Variants in GPHN observed in about 807,000 individuals in gnomAD.
GPHN encodes the protein gephyrin.
GPHN carries 17 observed loss-of-function variants against 95.5 expected under a neutral mutation model. That is an observed-to-expected ratio of 0.18 (90% CI 0.12 to 0.27). The LOEUF (loss-of-function observed/expected upper bound fraction) is 0.27, where lower values mean the gene tolerates loss of function less well. Among genes scored for constraint, GPHN ranks in the 10% least tolerant of loss-of-function variants. The pLI, the probability that GPHN is intolerant of heterozygous loss-of-function variation, is 1.00. For missense variants in GPHN, 660 were observed against 978.1 expected (o/e 0.67, Z 4.34); for synonymous variants, 320 against 322.5 (o/e 0.99, Z 0.08).
intron 9 of GPHN, among the ~76,000 whole-genome samples, chr14:66,976,642 T>G (rs530871241): frequency 2.0e-5 from 3 of 152,314 alleles, no homozygotes; most frequent in African/African-American, 7.2e-5. Flanking sequence ...CAGAAATTCA[T>G]TGAATATTTC....
intron 2 of GPHN, among the ~76,000 whole-genome samples, chr14:66,725,047 G>A (rs1480960052): frequency 6.6e-6 from 1 of 152,082 alleles, no homozygotes; most frequent in Non-Finnish European, 1.5e-5. Flanking sequence ...TCTTCTTATA[G>A]GGCCACAGTC....
At chr14:66,816,260 A>C (rs1018297126) in intron 3 of GPHN, among the ~76,000 whole-genome samples, 1 of 152,194 alleles carries the variant, frequency 6.6e-6, no homozygotes, top group Non-Finnish European at 1.5e-5. Context: ...AAAGAAAATT[A>C]ACAAATATTC....
At chr14:66,556,323 G>T (rs1320138194) in intron 1 of GPHN, among the ~76,000 whole-genome samples, 2 of 152,118 alleles carry the variant, frequency 1.3e-5, no homozygotes, top group Admixed American at 1.3e-4. Flanking sequence ...TTGATGGTCA[G>T]TACATCATAA....
chr14:67,204,314 C>CTGT, the GPHN span, among the ~76,000 whole-genome samples: 10 of 152,160 alleles, frequency 6.6e-5, no homozygotes, highest in Admixed American at 6.5e-4. Context: ...TGGTACATAT[C>CTGT]TGTTGTCCCA....
intron 2 of GPHN, among the ~76,000 whole-genome samples, chr14:66,773,167 T>G (rs2059244957): frequency 6.6e-6 from 1 of 152,166 alleles, no homozygotes; most frequent in South Asian, 2.1e-4. Flanking sequence ...GGCAGACTTG[T>G]CCCATGAAGT....
At chr14:67,230,936 C>T in the GPHN span, among the ~76,000 whole-genome samples, 1 of 152,156 alleles carries the variant, frequency 6.6e-6, no homozygotes, top group Non-Finnish European at 1.5e-5. Context: ...AATCTCACAC[C>T]ATCCCACCTG....
intron 9 of GPHN, among the ~76,000 whole-genome samples, chr14:67,014,184 T>C (rs1418744497): frequency 6.6e-6 from 1 of 152,132 alleles, no homozygotes; most frequent in Non-Finnish European, 1.5e-5. Context: ...AATATAGTAA[T>C]AGCTAACAAT....
intron 1 of GPHN, among the ~76,000 whole-genome samples, chr14:66,556,851 A>G (rs192911946): frequency 2.6e-5 from 4 of 152,186 alleles, no homozygotes; most frequent in Admixed American, 6.5e-5. Context: ...TAGAATACAC[A>G]AAGGCTTCTA....
chr14:66,751,024 A>C (rs535713313), intron 2 of GPHN, among the ~76,000 whole-genome samples: 6 of 152,054 alleles, frequency 3.9e-5, no homozygotes, highest in African/African-American at 1.4e-4. Context: ...TTTAGAAGTC[A>C]CAGAATTTTT....
chr14:66,590,848 C>CA (rs1015906685), intron 1 of GPHN, among the ~76,000 whole-genome samples: 1 of 151,918 alleles, frequency 6.6e-6, no homozygotes, highest in Non-Finnish European at 1.5e-5. Flanking sequence ...AGAGACACAA[C>CA]AAAAAAAGAA....
At chr14:67,333,924 C>T in the GPHN span, 1 of 152,478 alleles carries the variant, frequency 6.6e-6, no homozygotes, top group African/African-American at 2.4e-5. Context: ...TATGACTGTG[C>T]TACGTATATA....
At chr14:67,274,306 G>A in the GPHN span, among the ~76,000 whole-genome samples, 2 of 152,198 alleles carry the variant, frequency 1.3e-5, no homozygotes, top group Non-Finnish European at 2.9e-5. Flanking sequence ...TGTATAAGGT[G>A]TAAGGAAGGG....
the GPHN span, among the ~76,000 whole-genome samples, chr14:67,377,774 T>TGGAGCA: frequency 6.6e-6 from 1 of 152,122 alleles, no homozygotes; most frequent in African/African-American, 2.4e-5. Context: ...AACTTTTCCT[T>TGGAGCA]TACTTTCTCT....
intron 16 of GPHN, among the ~76,000 whole-genome samples, chr14:67,115,480 C>A (rs1374566535): frequency 6.6e-6 from 1 of 152,190 alleles, no homozygotes; most frequent in Non-Finnish European, 1.5e-5. Flanking sequence ...CACCTGTAAT[C>A]CCAGCACTTT....
At chr14:67,583,720 C>T in the GPHN span, 1 of 1,603,832 alleles carries the variant, frequency 6.2e-7, no homozygotes, top group Non-Finnish European at 8.5e-7. Context: ...TGACTGGTCT[C>T]TTCATATGCT....
chr14:66,579,547 C>A lies in GPHN; in HGVS notation c.64+70956C>A, dbSNP rs113269278. ...TATGAAAATGGAAACGAAAAGAGAG[C>A]AGAGGTTGTTATACTTAGATGAAAT... On this transcript the variant is annotated intron_variant, in intron 1 of 22. Coordinates refer to ENST00000478722, the MANE Select transcript of GPHN (RefSeq NM_020806.5). Among the ~76,000 whole-genome samples the A allele has an allele frequency of 3.7e-3, 554 of 151,514 alleles. 12 individuals are homozygous for A. Among genetic ancestry groups the A allele is most frequent in the African/African-American group, 0.013 (528 of 41,364 alleles).
intron 4 of GPHN, among the ~76,000 whole-genome samples, chr14:66,832,736 CATATGACA>C (rs2061628518): frequency 6.6e-6 from 1 of 152,070 alleles, no homozygotes; most frequent in South Asian, 2.1e-4. Flanking sequence ...CTAAAATAGT[CATATGACA>C]ATTCAAGACA....
the GPHN span, among the ~76,000 whole-genome samples, chr14:67,717,141 T>A: frequency 1.8e-4 from 27 of 152,334 alleles, no homozygotes; most frequent in African/African-American, 6.5e-4. Flanking sequence ...TATTTAGTTT[T>A]TTTTCCTTTG....
the GPHN span, chr14:67,533,722 C>G: frequency 6.6e-6 from 1 of 152,230 alleles, no homozygotes; most frequent in Non-Finnish European, 1.5e-5. Flanking sequence ...TATCGGTGCT[C>G]GCTCCCTTTC....
Sources: gnomAD v4.1 joint callset for allele counts (sites outside exome capture counted in the v4.1 genomes callset) on GRCh38, gnomAD v4.1.1 for gene constraint, MANE v1.5 for transcripts, NCBI Gene and HGNC (gene_info 2026-07-23, HGNC 2026-07-21) for gene names.